KHDC1: variants seen among roughly 807,000 people sequenced by gnomAD.
The protein encoded by KHDC1 is KH domain containing 1.
In KHDC1, 21 loss-of-function variants were observed where a neutral mutation model predicts 24.7. The ratio of observed to expected loss-of-function variants is 0.85; its 90% CI spans 0.60 to 1.23. The LOEUF (loss-of-function observed/expected upper bound fraction) is 1.23, where lower values mean the gene tolerates loss of function less well. KHDC1 is among the 50% of genes most tolerant of loss of function. The pLI, the probability that KHDC1 is intolerant of heterozygous loss-of-function variation, is 0.00. For missense variants in KHDC1, 274 were observed against 298.5 expected (o/e 0.92, Z 0.61); for synonymous variants, 98 against 111.7 (o/e 0.88, Z 0.77).
At chr6:73,279,707 GTAACTTGGACT>G (rs1429947319) in intron 2 of KHDC1, among the ~76,000 whole-genome samples, 3 of 150,262 alleles carry the variant, frequency 2.0e-5, no homozygotes, top group Non-Finnish European at 4.4e-5. Context: ...AGTCCCCCAA[GTAACTTGGACT>G]ATAGGCACCC....
At position 73,287,699 on chromosome 6, in the gene KHDC1, A is replaced by G. The variant is rs1056104971; in HGVS notation, c.206+4299T>C. Among the ~76,000 whole-genome samples the G allele has an allele frequency of 5.9e-5, 9 of 152,336 alleles. No homozygotes were observed. In the South Asian group the frequency reaches 1.7e-3, roughly 28 times the overall value. ...GGGAAAAGAGAAATAGCCAAACATC[A>G]TAGACTCTTGGACACAAGGTCCCAG... On this transcript the variant is annotated intron_variant, in intron 2 of 4. Transcript: ENST00000370384.
chr6:73,246,835 T>C (rs1766675963), intron 2 of KHDC1, among the ~76,000 whole-genome samples: 1 of 152,152 alleles, frequency 6.6e-6, no homozygotes, highest in Admixed American at 6.5e-5. Context: ...ACCTGAATAT[T>C]CCTTTTTATA....
chr6:73,290,104 C>G (rs1490103198), intron 2 of KHDC1, among the ~76,000 whole-genome samples: 1 of 35,334 alleles, frequency 2.8e-5, no homozygotes, highest in Non-Finnish European at 6.1e-5. Flanking sequence ...GAGACTCCGT[C>G]TCAAAAAAAA....
intron 1 of KHDC1, among the ~76,000 whole-genome samples, chr6:73,306,374 C>T (rs1767962670): frequency 6.6e-6 from 1 of 152,154 alleles, no homozygotes; most frequent in Non-Finnish European, 1.5e-5. Context: ...TCTCCGTTCC[C>T]AGCTATTTCC....
chr6:73,248,943 CAAAAAAAAA>C (rs36010850), intron 2 of KHDC1, among the ~76,000 whole-genome samples: 1 of 137,440 alleles, frequency 7.3e-6, no homozygotes, highest in African/African-American at 2.7e-5. Flanking sequence ...TGTTGGGAGT[CAAAAAAAAA>C]AAAAAGAAAG....
chr6:73,304,644 A>G (rs924363599), intron 1 of KHDC1, among the ~76,000 whole-genome samples: 5 of 152,186 alleles, frequency 3.3e-5, no homozygotes, highest in Non-Finnish European at 5.9e-5. Context: ...ATTTGCTACA[A>G]TGACATATAT....
chr6:73,278,009 GTT>G (rs70994182), intron 2 of KHDC1, among the ~76,000 whole-genome samples: 189 of 106,314 alleles, frequency 1.8e-3, no homozygotes, highest in Non-Finnish European at 2.6e-3. Flanking sequence ...TCTCTCGGGT[GTT>G]TTTTTTTTTT....
At chr6:73,267,745 A>G (rs565356026) in intron 2 of KHDC1, among the ~76,000 whole-genome samples, 14 of 152,370 alleles carry the variant, frequency 9.2e-5, no homozygotes, top group African/African-American at 3.4e-4. Context: ...AGCATTATTC[A>G]CAGTGGCCAA....
At chr6:73,253,653 C>G (rs1766824723) in intron 2 of KHDC1, among the ~76,000 whole-genome samples, 1 of 152,158 alleles carries the variant, frequency 6.6e-6, no homozygotes, top group Admixed American at 6.5e-5. Flanking sequence ...AATCCCAGCA[C>G]TTTGGGAGGC....
intron 2 of KHDC1, among the ~76,000 whole-genome samples, chr6:73,253,445 C>A (rs576008015): frequency 6.6e-6 from 1 of 151,618 alleles, no homozygotes; most frequent in African/African-American, 2.4e-5. Context: ...ACCAGCTACT[C>A]GGGAGGCTGA....
chr6:73,308,337 G>C (rs546446165), intron 1 of KHDC1, among the ~76,000 whole-genome samples: 2 of 151,842 alleles, frequency 1.3e-5, no homozygotes, highest in Non-Finnish European at 2.9e-5. Context: ...GCCTCCCGAA[G>C]TGCTGGGATT....
At chr6:73,277,430 A>C (rs1258963587) in intron 2 of KHDC1, among the ~76,000 whole-genome samples, 2 of 152,012 alleles carry the variant, frequency 1.3e-5, no homozygotes, top group Non-Finnish European at 2.9e-5. Context: ...GTGCCATTGC[A>C]CTCCAGCCTG....
At chr6:73,246,967 A>T (rs1766679042) in intron 2 of KHDC1, among the ~76,000 whole-genome samples, 1 of 151,888 alleles carries the variant, frequency 6.6e-6, no homozygotes, top group Non-Finnish European at 1.5e-5. Context: ...AAAAAAAATA[A>T]GTCAACTTTT....
At position 73,263,096 on chromosome 6, in the gene KHDC1, C is replaced by T. The variant is rs1767014573; in HGVS notation, c.207-20566G>A. ...GCGGCGGCAGCGGCTGCAGGCCTGG[C>T]CGATTGTGAGGAGACAGCGGTACCT... On this transcript the variant is annotated intron_variant, in intron 2 of 4. Coordinates refer to ENST00000370384, the Ensembl canonical transcript of KHDC1. 18 of 1,023,760 alleles carry T rather than the reference C, an allele frequency of 1.8e-5. No individual in the cohort carries two copies. In the South Asian group the frequency reaches 6.2e-4, roughly 35 times the overall value. The allele number at this position is 1,023,760 out of a possible 1,614,324, so 63.4% of individuals were successfully genotyped here. A position where few individuals can be genotyped will look rare whatever the true frequency, so the allele number is the denominator to read the frequency against.
intron 2 of KHDC1, among the ~76,000 whole-genome samples, chr6:73,289,848 C>T (rs1481735198): frequency 6.6e-6 from 1 of 151,894 alleles, no homozygotes; most frequent in Non-Finnish European, 1.5e-5. Context: ...CGCCTGTAAT[C>T]CCAGCACTTT....
exon 1 of KHDC1, chr6:73,309,663 C>T: frequency 6.5e-7 from 1 of 1,550,150 alleles, no homozygotes. Context: ...TATTCTGAGA[C>T]TGTTTCAATC....
At chr6:73,241,685 G>A (rs887483060) in exon 5 of KHDC1, 15 of 1,614,040 alleles carry the variant, frequency 9.3e-6, no homozygotes, top group Admixed American at 6.7e-5. Context: ...CCAGGTCATC[G>A]TTGGTCAGAG....
intron 2 of KHDC1, among the ~76,000 whole-genome samples, chr6:73,285,879 A>G (rs1163903091): frequency 6.6e-6 from 1 of 152,172 alleles, no homozygotes; most frequent in Non-Finnish European, 1.5e-5. Flanking sequence ...AAAGTTAGCC[A>G]CCAGATGGAG....
intron 1 of KHDC1, among the ~76,000 whole-genome samples, chr6:73,295,573 C>T (rs1394386675): frequency 2.6e-5 from 4 of 152,050 alleles, no homozygotes; most frequent in East Asian, 1.9e-4. Context: ...CAGCTGGGCG[C>T]GGTGGCTCAC....
Sources: gnomAD v4.1 joint callset for allele counts (sites outside exome capture counted in the v4.1 genomes callset) on GRCh38, gnomAD v4.1.1 for gene constraint, MANE v1.5 for transcripts, NCBI Gene and HGNC (gene_info 2026-07-23, HGNC 2026-07-21) for gene names.